The following TPP2 variants were observed in gnomAD, a reference collection of about 807,000 sequenced individuals.
TPP2 encodes the protein tripeptidyl-peptidase 2.
A neutral mutation model predicts 155.9 loss-of-function variants in TPP2; 34 were observed. The observed-to-expected ratio is 0.22, with a 90% confidence interval of 0.17 to 0.29. The LOEUF (loss-of-function observed/expected upper bound fraction) is 0.29. TPP2 is among the 10% of genes least tolerant of loss of function. The pLI is 1.00. For missense variants in TPP2, 1,028 were observed against 1,522.3 expected (o/e 0.68, Z 5.40); for synonymous variants, 510 against 529.4 (o/e 0.96, Z 0.50).
At chr13:102,598,968 A>G (rs989554927) in intron 1 of TPP2, among the ~76,000 whole-genome samples, 2 of 152,230 alleles carry the variant, frequency 1.3e-5, no homozygotes, top group African/African-American at 4.8e-5. Flanking sequence ...CTTTTATTTT[A>G]GATTCAGAAG....
Position 102,604,602 on chromosome 13 carries a change from A to T in TPP2, c.166-191A>T, listed in dbSNP as rs556510313. ...TTGAATATATGAAACGACTTGAAGGATTCTGTAGTGTTTCCACGATTAAAT... is the reference window on the plus strand; with the variant it reads ...TTGAATATATGAAACGACTTGAAGGTTTCTGTAGTGTTTCCACGATTAAAT... On this transcript the variant is annotated intron_variant, in intron 1 of 29. Transcript: ENST00000376052. 1.8e-3 allele frequency among the ~76,000 whole-genome samples: 274 copies of T among 152,306 alleles called. 1 individual carries two copies. The highest frequency in any genetic ancestry group is 6.3e-3 in the African/African-American group (262 of 41,576).
intron 29 of TPP2, among the ~76,000 whole-genome samples, chr13:102,677,464 A>G (rs1595232890): frequency 6.6e-6 from 1 of 152,050 alleles, no homozygotes. Context: ...ATAAAATCCA[A>G]ACTCTCCCCA....
At chr13:102,613,571 A>G (rs1880477770) in intron 2 of TPP2, among the ~76,000 whole-genome samples, 1 of 152,108 alleles carries the variant, frequency 6.6e-6, no homozygotes. Context: ...CTAGTTAGTG[A>G]TAGAGTTTGG....
chr13:102,664,822 G>A lies in TPP2; in HGVS notation c.3268G>A (p.Val1090Ile), dbSNP rs1000870728. ...KERMKRLNEI[V>I]DAANAVISHI... ...ACGAATGAAAAGACTTAATGAAATT[G>A]TTGATGCGGCAAATGCTGTTATTTC... Residue 1090 changes from valine (V) to isoleucine (I), a missense_variant, in exon 27 of 30, where the codon GTT becomes ATT. Transcript: ENST00000376052. The A allele has an allele frequency of 6.2e-7, 1 of 1,613,210 alleles. No individual in the cohort carries two copies. The highest frequency in any genetic ancestry group is 8.5e-7 in the Non-Finnish European group (1 of 1,179,672).
intron 12 of TPP2, 124 bp downstream of exon 12, chr13:102,635,826 A>G (rs1218440963): frequency 1.4e-6 from 1 of 736,638 alleles, no homozygotes; most frequent in Non-Finnish European, 2.2e-6. Context: ...TTATATGGCC[A>G]TAGAACTACA....
intron 26 of TPP2, among the ~76,000 whole-genome samples, chr13:102,664,519 T>G (rs1192178226): frequency 6.6e-6 from 1 of 152,216 alleles, no homozygotes; most frequent in African/African-American, 2.4e-5. Flanking sequence ...CTTTACATTT[T>G]TATGAAGTTT....
chr13:102,645,113 T>G, intron 19 of TPP2, 104 bp downstream of exon 19: 287 of 983,746 alleles, frequency 2.9e-4, no homozygotes, highest in Middle Eastern at 4.3e-4. Flanking sequence ...ACCTGCATGC[T>G]AGAGGTGAGA....
At chr13:102,636,202 C>A (rs757213336) in intron 12 of TPP2, 22 bp from the exon 13 acceptor site, 5 of 1,578,008 alleles carry the variant, frequency 3.2e-6, no homozygotes, top group South Asian at 1.2e-5. Context: ...TTATATCTTA[C>A]CATGTATATT....
intron 29 of TPP2, among the ~76,000 whole-genome samples, chr13:102,677,856 G>C (rs541878040): frequency 1.3e-5 from 2 of 152,286 alleles, no homozygotes; most frequent in African/African-American, 4.8e-5. Context: ...TTTGTTCAGT[G>C]CTGTTTTCCC....
intron 2 of TPP2, among the ~76,000 whole-genome samples, chr13:102,609,974 C>T (rs867266152): frequency 6.6e-5 from 10 of 152,112 alleles, no homozygotes; most frequent in South Asian, 2.1e-4. Context: ...ACAAATTTTC[C>T]GCCAGTCTTC....
At chr13:102,635,899 A>C (rs187505965) in intron 12 of TPP2, among the ~76,000 whole-genome samples, 197 bp downstream of exon 12, 1 of 152,318 alleles carries the variant, frequency 6.6e-6, no homozygotes, top group Admixed American at 6.5e-5. Context: ...AAGATCAAGA[A>C]ATGTAATAGA....
At position 102,643,201 on chromosome 13, in the gene TPP2, C is replaced by T. The variant is rs200751954; in HGVS notation, c.2021-21C>T. ...TAGGTCTTATAAGTTTAAAGCTTTG[C>T]TTCTTTCTTTCTTATTTTAGAAGTG... On this transcript the variant is annotated intron_variant, in intron 16 of 29. Transcript: ENST00000376052. 3.4e-5 allele frequency: 54 copies of T among 1,569,530 alleles called. No homozygotes were observed. In the Middle Eastern group the frequency reaches 5.1e-4, roughly 15 times the overall value.
rs1371543920 is a variant in TPP2, at chr13:102,644,626, A to G, written c.2245A>G (p.Thr749Ala). 6.2e-7 allele frequency: 1 copy of G among 1,613,124 alleles called. No individual in the cohort carries two copies. Among genetic ancestry groups the G allele is most frequent in the East Asian group, 2.2e-5 (1 of 44,846 alleles). ...TCTCAGTGATGTCAACATTGATTAT[A>G]CCATTTCTTTCCATGGGATAGTGTG... ...ASLSDVNIDY[T>A]ISFHGIVCTA... The change falls in exon 18 of 30, where the codon ACC (threonine) becomes GCC (alanine). Residue 749 changes from threonine (T) to alanine (A), a missense_variant. Thr to Ala is a moderately conservative substitution (Grantham distance 58). Coordinates refer to ENST00000376052, the MANE Select transcript of TPP2 (RefSeq NM_001330588.2).
intron 28 of TPP2, 121 bp downstream of exon 28, chr13:102,674,611 AATATGACATGTTTAGCCTAGTACTTC>A: frequency 1.1e-6 from 1 of 943,332 alleles, no homozygotes; most frequent in Non-Finnish European, 1.6e-6. Flanking sequence ...CTGGGCTCTG[AATATGACATGTTTAGCCTAGTACTTC>A]ATGTTTGTCT....
intron 6 of TPP2, among the ~76,000 whole-genome samples, chr13:102,624,930 G>A (rs185798044): frequency 7.2e-6 from 1 of 137,970 alleles, no homozygotes; most frequent in East Asian, 2.1e-4. Context: ...CACGGTCTCG[G>A]CTCACTGCAA....
intron 25 of TPP2, among the ~76,000 whole-genome samples, chr13:102,659,475 C>T (rs946520434): frequency 6.6e-6 from 1 of 152,136 alleles, no homozygotes; most frequent in African/African-American, 2.4e-5. Context: ...AAGACAAAAA[C>T]TCCTCATCAC....
At chr13:102,630,389 A>C (rs561751822) in intron 10 of TPP2, among the ~76,000 whole-genome samples, 194 bp downstream of exon 10, 1 of 152,172 alleles carries the variant, frequency 6.6e-6, no homozygotes, top group African/African-American at 2.4e-5. Flanking sequence ...TCATTGTTAC[A>C]TGGAGAACAT....
rs538075077 is a variant in TPP2, at chr13:102,620,982, TC to T, written c.621-1891del. Among the ~76,000 whole-genome samples the T allele has an allele frequency of 2.6e-5, 4 of 152,326 alleles. No homozygotes were observed. In the South Asian group the frequency reaches 8.3e-4, roughly 32 times the overall value. On this transcript the variant is annotated intron_variant, in intron 5 of 29. Transcript: ENST00000376052. ...AAAACAAAAGCCTTTTCTCTCATCC[TC>T]CCCACTTACATGTACCCTGCTCTGT...
intron 2 of TPP2, 75 bp downstream of exon 2, chr13:102,604,996 C>A: frequency 6.3e-7 from 1 of 1,581,512 alleles, no homozygotes. Context: ...TTTTACCTTA[C>A]ATTTGGTGGT....
Sources: gnomAD v4.1 joint callset for allele counts (sites outside exome capture counted in the v4.1 genomes callset) on GRCh38, gnomAD v4.1.1 for gene constraint, MANE v1.5 for transcripts, NCBI Gene and HGNC (gene_info 2026-07-23, HGNC 2026-07-21) for gene names.